HS3ST2: variants seen among roughly 807,000 people sequenced by gnomAD.
The protein encoded by HS3ST2 is heparan sulfate-glucosamine 3-sulfotransferase 2.
A neutral mutation model predicts 26.3 loss-of-function variants in HS3ST2; 17 were observed. The ratio of observed to expected loss-of-function variants is 0.65; its 90% CI spans 0.44 to 0.97. The LOEUF (loss-of-function observed/expected upper bound fraction) is 0.97. Ranked by LOEUF, HS3ST2 falls within the 50% of genes least tolerant of loss-of-function variation. HS3ST2 has a pLI of 0.00. For synonymous variants in HS3ST2, 237 were observed against 219.2 expected, an observed-to-expected ratio of 1.08 and a Z score of -0.72; for missense variants, 402 against 501.2, an observed-to-expected ratio of 0.80 and a Z score of 1.89.
intron 1 of HS3ST2, among the ~76,000 whole-genome samples, chr16:22,824,344 C>T (rs990457446): frequency 2.0e-5 from 3 of 152,022 alleles, no homozygotes; most frequent in Non-Finnish European, 4.4e-5. Flanking sequence ...GTCAGGAGAT[C>T]GAGACCATCT....
chr16:22,820,849 T>C (rs1900981088), intron 1 of HS3ST2, among the ~76,000 whole-genome samples: 1 of 152,228 alleles, frequency 6.6e-6, no homozygotes, highest in Non-Finnish European at 1.5e-5. Context: ...CGTGTGAAAA[T>C]ACCACTGAAA....
At chr16:22,904,987 G>C (rs1322931118) in intron 1 of HS3ST2, among the ~76,000 whole-genome samples, 3 of 152,194 alleles carry the variant, frequency 2.0e-5, no homozygotes, top group Non-Finnish European at 2.9e-5. Flanking sequence ...GGGTTTAGCA[G>C]GTTTAGTTTT....
At chr16:22,840,449 C>T (rs1901335934) in intron 1 of HS3ST2, among the ~76,000 whole-genome samples, 1 of 151,736 alleles carries the variant, frequency 6.6e-6, no homozygotes, top group South Asian at 2.1e-4. Flanking sequence ...GTGACACAAT[C>T]TTGGCTCACT....
At chr16:22,850,992 T>C (rs1901511468) in intron 1 of HS3ST2, among the ~76,000 whole-genome samples, 1 of 152,194 alleles carries the variant, frequency 6.6e-6, no homozygotes, top group Non-Finnish European at 1.5e-5. Flanking sequence ...GTTTGGGCTT[T>C]CAACCAGAGT....
At chr16:22,906,296 G>A (rs1902350784) in intron 1 of HS3ST2, among the ~76,000 whole-genome samples, 1 of 151,928 alleles carries the variant, frequency 6.6e-6, no homozygotes, top group Non-Finnish European at 1.5e-5. Context: ...GCTTGAACCT[G>A]GGAGGTGGAA....
At chr16:22,869,932 C>T (rs1045629788) in intron 1 of HS3ST2, among the ~76,000 whole-genome samples, 1 of 152,028 alleles carries the variant, frequency 6.6e-6, no homozygotes, top group African/African-American at 2.4e-5. Flanking sequence ...TCACAGACTC[C>T]TTGAGAAAAT....
intron 1 of HS3ST2, among the ~76,000 whole-genome samples, chr16:22,880,009 C>A (rs1901966331): frequency 6.6e-6 from 1 of 152,196 alleles, no homozygotes; most frequent in Non-Finnish European, 1.5e-5. Context: ...AAGCACAGAG[C>A]TCAGCCTCTG....
At chr16:22,881,729 G>C (rs1458765723) in intron 1 of HS3ST2, among the ~76,000 whole-genome samples, 1 of 152,180 alleles carries the variant, frequency 6.6e-6, no homozygotes, top group African/African-American at 2.4e-5. Context: ...TTATGACAAA[G>C]GCTCGTAGGT....
At chr16:22,899,259 A>G (rs888618856) in intron 1 of HS3ST2, among the ~76,000 whole-genome samples, 13 of 152,152 alleles carry the variant, frequency 8.5e-5, no homozygotes, top group Non-Finnish European at 5.9e-5. Context: ...TGGGAGGTGG[A>G]GGAGGTTTCA....
chr16:22,911,475 TA>T (rs1279390716), intron 1 of HS3ST2, among the ~76,000 whole-genome samples: 2 of 152,192 alleles, frequency 1.3e-5, no homozygotes, highest in African/African-American at 4.8e-5. Flanking sequence ...CTAGGTGGCT[TA>T]AAACAACCAA....
chr16:22,914,187 T>C (rs1250253586), intron 1 of HS3ST2, among the ~76,000 whole-genome samples: 1 of 152,068 alleles, frequency 6.6e-6, no homozygotes, highest in Non-Finnish European at 1.5e-5. Context: ...ATCTTCTAAT[T>C]CTGCACTCAC....
intron 1 of HS3ST2, among the ~76,000 whole-genome samples, chr16:22,884,907 C>A (rs962509887): frequency 6.7e-6 from 1 of 150,026 alleles, no homozygotes; most frequent in Non-Finnish European, 1.5e-5. Context: ...CTGGCATGAT[C>A]TCAGCTCACT....
chr16:22,904,430 G>A (rs1286705897), intron 1 of HS3ST2, among the ~76,000 whole-genome samples: 2 of 152,130 alleles, frequency 1.3e-5, no homozygotes, highest in African/African-American at 4.8e-5. Context: ...GAACTCTAGA[G>A]GGATGATAGA....
intron 1 of HS3ST2, among the ~76,000 whole-genome samples, chr16:22,876,390 CTACAA>C (rs1462973823): frequency 6.6e-6 from 1 of 151,940 alleles, no homozygotes; most frequent in Non-Finnish European, 1.5e-5. Context: ...CAAATCAAAA[CTACAA>C]TACAATACCA....
intron 1 of HS3ST2, among the ~76,000 whole-genome samples, chr16:22,907,742 C>T (rs1267487928): frequency 6.6e-6 from 1 of 152,180 alleles, no homozygotes; most frequent in South Asian, 2.1e-4. Context: ...CATAGGAAAG[C>T]TTTAAGTTGG....
At position 22,814,647 on chromosome 16, in the gene HS3ST2, C is replaced by T; in HGVS notation, c.37C>T (p.Gln13Ter). 6.4e-7 allele frequency: 1 copy of T among 1,558,716 alleles called. No homozygotes were observed. Among genetic ancestry groups the T allele is most frequent in the Non-Finnish European group, 8.7e-7 (1 of 1,152,944 alleles). The change falls in exon 1 of 2, where the codon CAG becomes TAG. Residue 13 changes from glutamine (Q) to a stop codon, truncating the protein, a stop_gained. Coordinates refer to ENST00000261374, the MANE Select transcript of HS3ST2 (RefSeq NM_006043.2). LOFTEE classifies it high-confidence loss of function. ...YRVLGRAGPPQPRRARRLLFA... is the reference protein window; with the variant it reads ...YRVLGRAGPP ...GGTCCTGGGCCGCGCGGGGCCACCT[C>T]AGCCGCGGAGGGCGCGCAGGCTGCT... is the stretch of plus-strand genomic sequence containing the variant.
chr16:22,891,286 C>G lies in HS3ST2; in HGVS notation c.486-23658C>G, dbSNP rs546118835. 2.6e-5 allele frequency among the ~76,000 whole-genome samples: 4 copies of G among 152,322 alleles called. No individual in the cohort carries two copies. In the South Asian group the frequency reaches 8.3e-4, roughly 32 times the overall value. ...CTACAGCTAGCAAGCGCCTACTACGCATCAGAACATACTGAGAAATTTCCA... is the reference window on the plus strand; with the variant it reads ...CTACAGCTAGCAAGCGCCTACTACGGATCAGAACATACTGAGAAATTTCCA... On this transcript the variant is annotated intron_variant, in intron 1 of 1. Transcript: ENST00000261374.
At chr16:22,867,246 A>C (rs1244905494) in intron 1 of HS3ST2, among the ~76,000 whole-genome samples, 1 of 152,192 alleles carries the variant, frequency 6.6e-6, no homozygotes, top group Non-Finnish European at 1.5e-5. Context: ...CCTCATATAT[A>C]CCAAAATAAG....
chr16:22,886,974 A>T (rs1305908177), intron 1 of HS3ST2, among the ~76,000 whole-genome samples: 4 of 151,904 alleles, frequency 2.6e-5, no homozygotes, highest in Non-Finnish European at 5.9e-5. Context: ...CCAGTCTCAA[A>T]CTCCTGACCT....
Sources: allele counts gnomAD v4.1 joint callset (sites outside exome capture counted in the v4.1 genomes callset), GRCh38; gene constraint gnomAD v4.1.1; transcripts MANE v1.5; gene names NCBI Gene and HGNC (gene_info 2026-07-23, HGNC 2026-07-21).